Variants in SAMSN1 observed in about 807,000 individuals in gnomAD.
SAMSN1 encodes the protein SAM domain, SH3 domain and nuclear localization signals 1, also known as SAM domain-containing protein SAMSN-1.
SAMSN1 carries 31 observed loss-of-function variants against 42.0 expected under a neutral mutation model. The ratio of observed to expected loss-of-function variants is 0.74; its 90% confidence interval spans 0.55 to 1.00. The LOEUF (loss-of-function observed/expected upper bound fraction) is 1.00. Among genes scored for constraint, SAMSN1 ranks in the 50% least tolerant of loss-of-function variants. SAMSN1 has a pLI of 0.00. For missense variants in SAMSN1, 464 were observed against 439.4 expected (o/e 1.06, Z -0.50); for synonymous variants, 178 against 151.9 (o/e 1.17, Z -1.26).
intron 1 of SAMSN1, among the ~76,000 whole-genome samples, chr21:14,534,449 A>C (rs1255272167): frequency 6.6e-6 from 1 of 152,204 alleles, no homozygotes; most frequent in Non-Finnish European, 1.5e-5. Context: ...AGTTTAAACA[A>C]CAACAACAAC....
intron 2 of SAMSN1, 136 bp from the exon 3 acceptor site, chr21:14,517,177 A>T (rs367997356): frequency 2.8e-6 from 2 of 725,404 alleles, no homozygotes; most frequent in Non-Finnish European, 2.1e-6. Context: ...AATTTCTAAC[A>T]ATCCGGACAT....
At chr21:14,642,997 C>T in intron 2 of SAMSN1, 2 of 716,964 alleles carry the variant, frequency 2.8e-6, no homozygotes, top group Admixed American at 2.0e-5. Flanking sequence ...CAATGCTTCA[C>T]TCACCACGAA....
intron 2 of SAMSN1, among the ~76,000 whole-genome samples, chr21:14,572,357 A>G (rs1981327181): frequency 6.6e-6 from 1 of 152,174 alleles, no homozygotes; most frequent in African/African-American, 2.4e-5. Flanking sequence ...TAACAGTTAC[A>G]CAGACAGTAA....
At chr21:14,628,497 A>G (rs1983240594) in intron 2 of SAMSN1, among the ~76,000 whole-genome samples, 1 of 152,194 alleles carries the variant, frequency 6.6e-6, no homozygotes, top group South Asian at 2.1e-4. Context: ...TATCTAAGGC[A>G]ATCAGAGAGA....
intron 2 of SAMSN1, among the ~76,000 whole-genome samples, chr21:14,569,226 T>C (rs868213116): frequency 1.3e-5 from 2 of 152,052 alleles, no homozygotes; most frequent in Non-Finnish European, 1.5e-5. Flanking sequence ...GCCCAGAAGA[T>C]AGAGGCTGCA....
chr21:14,561,664 C>T (rs1980951183), intron 2 of SAMSN1, among the ~76,000 whole-genome samples: 1 of 152,116 alleles, frequency 6.6e-6, no homozygotes, highest in Non-Finnish European at 1.5e-5. Context: ...GAATGTGACC[C>T]TCTTTGGAAA....
chr21:14,560,807 C>T (rs552433069), intron 2 of SAMSN1, among the ~76,000 whole-genome samples: 2 of 152,318 alleles, frequency 1.3e-5, no homozygotes, highest in Admixed American at 6.5e-5. Flanking sequence ...ACATGCTCGC[C>T]TTACATTCAG....
chr21:14,556,285 C>A (rs1600928079), intron 2 of SAMSN1, among the ~76,000 whole-genome samples: 1 of 152,084 alleles, frequency 6.6e-6, no homozygotes, highest in Admixed American at 6.6e-5. Flanking sequence ...CAATCAAAAG[C>A]CTCATATGAT....
chr21:14,496,223 C>CT (rs1355280619), intron 7 of SAMSN1: 1 of 152,182 alleles, frequency 6.6e-6, no homozygotes, highest in Non-Finnish European at 1.5e-5. Flanking sequence ...TAGCAGAAAA[C>CT]TTCAATTTTC....
chr21:14,638,271 C>G (rs1032221374), intron 2 of SAMSN1, among the ~76,000 whole-genome samples: 8 of 151,986 alleles, frequency 5.3e-5, no homozygotes, highest in African/African-American at 1.9e-4. Context: ...AATATTATCA[C>G]TTCATCAAAT....
chr21:14,582,226 T>C (rs1226008396), exon 2 of SAMSN1: 1 of 1,550,888 alleles, frequency 6.4e-7, no homozygotes, highest in Non-Finnish European at 8.7e-7. Flanking sequence ...GTCCAACTTG[T>C]GCTATTTGGA....
At chr21:14,584,484 T>C (rs928535753), upstream of SAMSN1, among the ~76,000 whole-genome samples, 2 of 152,196 alleles carry the variant, frequency 1.3e-5, no homozygotes, top group Non-Finnish European at 2.9e-5. Flanking sequence ...TTCCCACTAG[T>C]TTACTGTTGA....
chr21:14,616,112 A>G (rs1347174874), intron 2 of SAMSN1: 5 of 399,716 alleles, frequency 1.3e-5, no homozygotes, highest in Non-Finnish European at 1.9e-5. Flanking sequence ...TTCATTTTCT[A>G]GTATAATCCA....
intron 2 of SAMSN1, chr21:14,642,866 A>C (rs905095682): frequency 1.2e-5 from 7 of 571,558 alleles, no homozygotes; most frequent in Non-Finnish European, 2.2e-5. Flanking sequence ...AAGAAAGAGA[A>C]AAGCAGAAAC....
At chr21:14,493,199 T>G (rs1986768692) in intron 7 of SAMSN1, among the ~76,000 whole-genome samples, 1 of 152,230 alleles carries the variant, frequency 6.6e-6, no homozygotes, top group Non-Finnish European at 1.5e-5. Context: ...ATCAACATTC[T>G]GGCACACAAC....
intron 2 of SAMSN1, among the ~76,000 whole-genome samples, chr21:14,631,649 G>A (rs917462853): frequency 6.6e-6 from 1 of 152,188 alleles, no homozygotes; most frequent in South Asian, 2.1e-4. Flanking sequence ...ACAGGCGTAA[G>A]CCACCATGCC....
chr21:14,532,020 T>C (rs1979297125), intron 1 of SAMSN1, among the ~76,000 whole-genome samples: 1 of 152,144 alleles, frequency 6.6e-6, no homozygotes. Flanking sequence ...TACTTTTAAA[T>C]GAGTGTGTCT....
At chr21:14,570,130 A>T (rs1981253186) in intron 2 of SAMSN1, among the ~76,000 whole-genome samples, 1 of 152,124 alleles carries the variant, frequency 6.6e-6, no homozygotes, top group South Asian at 2.1e-4. Flanking sequence ...CTGCGCAGGT[A>T]CCTCTGATTT....
At chr21:14,488,968 G>C (rs967151078) in intron 7 of SAMSN1, among the ~76,000 whole-genome samples, 1 of 152,144 alleles carries the variant, frequency 6.6e-6, no homozygotes, top group South Asian at 2.1e-4. Context: ...TTTGTATTTG[G>C]AGGATCAAGA....
Sources: gnomAD v4.1 joint callset for allele counts (sites outside exome capture counted in the v4.1 genomes callset) on GRCh38, gnomAD v4.1.1 for gene constraint, MANE v1.5 for transcripts, NCBI Gene and HGNC (gene_info 2026-07-23, HGNC 2026-07-21) for gene names.